Variants in ARPP21 observed in about 807,000 individuals in gnomAD.
The protein encoded by ARPP21 is cAMP-regulated phosphoprotein 21.
Under a neutral mutation model 113.2 loss-of-function variants are expected in ARPP21, and 69 were observed. The observed-to-expected ratio is 0.61, with a 90% CI of 0.50 to 0.74. The LOEUF (loss-of-function observed/expected upper bound fraction) is 0.74. Ranked by LOEUF, ARPP21 falls within the 30% of genes least tolerant of loss-of-function variation. ARPP21 has a pLI of 0.00. For missense variants in ARPP21, 1,070 were observed against 1,037.4 expected (o/e 1.03, Z -0.43); for synonymous variants, 368 against 375.5 (o/e 0.98, Z 0.23).
At position 35,729,348 on chromosome 3, in the gene ARPP21, G is replaced by A. The variant is rs147707279; in HGVS notation, c.1271G>A (p.Arg424His). 257 of 1,613,894 alleles carry A rather than the reference G, an allele frequency of 1.6e-4. 2 individuals carry two copies. In the South Asian group the frequency reaches 2.1e-3, roughly 13 times the overall value. ...SSAGSSGSLS[R>H]THPPLQSTPL... The stretch of plus-strand genomic sequence containing the variant: ...GCAGGCTCCTCAGGATCGCTGTCCC[G>A]CACCCATCCACCTCTCCAGAGCACA... Residue 424 changes from arginine to histidine, a missense_variant, in exon 15 of 21, where the codon CGC becomes CAC. Coordinates refer to ENST00000684406, the MANE Select transcript of ARPP21 (RefSeq NM_001385562.1).
At chr3:35,701,475 C>T (rs2149852705) in intron 9 of ARPP21, among the ~76,000 whole-genome samples, 1 of 151,722 alleles carries the variant, frequency 6.6e-6, no homozygotes, top group African/African-American at 2.4e-5. Context: ...TCGCCAACAC[C>T]ATGCTCAATA....
At chr3:35,764,673 C>G (rs575435257) in intron 19 of ARPP21, among the ~76,000 whole-genome samples, 2 of 152,134 alleles carry the variant, frequency 1.3e-5, no homozygotes, top group Non-Finnish European at 2.9e-5. Context: ...ACTAAGGACT[C>G]AGAATACAGA....
chr3:35,660,753 CTTCTA>C (rs1162219764), intron 1 of ARPP21, among the ~76,000 whole-genome samples: 1 of 152,054 alleles, frequency 6.6e-6, no homozygotes, highest in African/African-American at 2.4e-5. Flanking sequence ...TGAGTAAATG[CTTCTA>C]TTCTTTTTTG....
chr3:35,685,064 C>T, intron 5 of ARPP21: 1 of 985,204 alleles, frequency 1.0e-6, no homozygotes, highest in African/African-American at 1.7e-5. Flanking sequence ...TATGTTAACT[C>T]TGCAGAATGA....
At chr3:35,659,856 G>T (rs993866988) in intron 1 of ARPP21, among the ~76,000 whole-genome samples, 5 of 152,194 alleles carry the variant, frequency 3.3e-5, no homozygotes, top group African/African-American at 1.2e-4. Flanking sequence ...TATACCAAAA[G>T]CACTGTATTG....
At chr3:35,698,405 A>G (rs898516384) in intron 9 of ARPP21, among the ~76,000 whole-genome samples, 4 of 151,700 alleles carry the variant, frequency 2.6e-5, no homozygotes, top group Non-Finnish European at 4.4e-5. Context: ...TGAAAATGAA[A>G]CATGCGTATA....
At chr3:35,757,991 G>C (rs2095633195) in intron 19 of ARPP21, among the ~76,000 whole-genome samples, 1 of 152,056 alleles carries the variant, frequency 6.6e-6, no homozygotes, top group Admixed American at 6.6e-5. Flanking sequence ...GCAGAATAGA[G>C]GGACAATATA....
intron 15 of ARPP21, among the ~76,000 whole-genome samples, chr3:35,736,315 C>G (rs1027310334): frequency 5.3e-5 from 8 of 152,140 alleles, no homozygotes; most frequent in Non-Finnish European, 7.3e-5. Flanking sequence ...CTTGACTGCA[C>G]TTTGCTCTTC....
chr3:35,770,246 C>T (rs2096150209), intron 19 of ARPP21, among the ~76,000 whole-genome samples: 1 of 152,182 alleles, frequency 6.6e-6, no homozygotes, highest in African/African-American at 2.4e-5. Context: ...CCGTAGATGT[C>T]TAAAATTCCT....
intron 19 of ARPP21, among the ~76,000 whole-genome samples, chr3:35,773,658 T>C (rs1159662600): frequency 2.0e-5 from 3 of 152,296 alleles, no homozygotes; most frequent in South Asian, 4.1e-4. Flanking sequence ...TTCATCATGA[T>C]CTTGTTAATA....
At chr3:35,682,950 T>A (rs2079412129) in intron 4 of ARPP21, 61 bp downstream of exon 4, 2 of 1,458,254 alleles carry the variant, frequency 1.4e-6, no homozygotes, top group Admixed American at 4.0e-5. Flanking sequence ...ATATTTTACA[T>A]CAGAGTTAAA....
At chr3:35,769,689 C>T (rs998283568) in intron 19 of ARPP21, among the ~76,000 whole-genome samples, 5 of 152,150 alleles carry the variant, frequency 3.3e-5, no homozygotes, top group Admixed American at 1.3e-4. Flanking sequence ...ATCTTAGGTT[C>T]GCTAGGCTAA....
At chr3:35,691,332 AATAG>A (rs1329367314) in intron 9 of ARPP21, among the ~76,000 whole-genome samples, 1 of 151,728 alleles carries the variant, frequency 6.6e-6, no homozygotes, top group East Asian at 1.9e-4. Flanking sequence ...AATTAAAAAC[AATAG>A]ATATTTTTAA....
intron 11 of ARPP21, among the ~76,000 whole-genome samples, chr3:35,709,759 T>A (rs1440892186): frequency 6.6e-6 from 1 of 152,210 alleles, no homozygotes; most frequent in Non-Finnish European, 1.5e-5. Flanking sequence ...GCAACTGCCA[T>A]AGCGTTTTCA....
At chr3:35,715,588 AGCAG>A in intron 12 of ARPP21, 112 bp downstream of exon 12, 47 of 805,212 alleles carry the variant, frequency 5.8e-5, no homozygotes, top group Non-Finnish European at 9.0e-5. Flanking sequence ...TATATGTATT[AGCAG>A]ATACATATAT....
At chr3:35,745,612 A>G (rs1184832112) in intron 19 of ARPP21, among the ~76,000 whole-genome samples, 2 of 152,188 alleles carry the variant, frequency 1.3e-5, no homozygotes, top group Non-Finnish European at 2.9e-5. Flanking sequence ...AGGGGATGAG[A>G]AAGTTAGATG....
chr3:35,643,135 T>C (rs1165991861), intron 1 of ARPP21, among the ~76,000 whole-genome samples: 2 of 152,138 alleles, frequency 1.3e-5, no homozygotes, highest in Non-Finnish European at 2.9e-5. Flanking sequence ...TTGATTTTCA[T>C]ATTAACAACA....
chr3:35,667,841 A>AAAG (rs757542723), intron 1 of ARPP21, among the ~76,000 whole-genome samples: 5,190 of 81,486 alleles, frequency 0.064, 435 homozygotes, highest in Non-Finnish European at 0.076. Context: ...TTTTATTCTC[A>AAAG]AAGAAGAAGA....
chr3:35,643,040 A>T (rs1424687881), intron 1 of ARPP21, among the ~76,000 whole-genome samples: 1 of 152,142 alleles, frequency 6.6e-6, no homozygotes, highest in Non-Finnish European at 1.5e-5. Context: ...CAATGCAAGA[A>T]GCCATCTGTC....
Sources: gnomAD v4.1 joint callset for allele counts (sites outside exome capture counted in the v4.1 genomes callset) on GRCh38, gnomAD v4.1.1 for gene constraint, MANE v1.5 for transcripts, NCBI Gene and HGNC (gene_info 2026-07-23, HGNC 2026-07-21) for gene names.